The following DOCK11 variants were observed in gnomAD, a reference collection of about 807,000 sequenced individuals.
The protein encoded by DOCK11 is dedicator of cytokinesis 11, also known as dedicator of cytokinesis protein 11.
In DOCK11, 70 loss-of-function variants were observed where a neutral mutation model predicts 169.1. The ratio of observed to expected loss-of-function variants is 0.41; its 90% CI spans 0.34 to 0.51. DOCK11 has a LOEUF of 0.51. DOCK11 is among the 20% of genes least tolerant of loss of function. DOCK11 has a pLI of 0.10. For missense variants in DOCK11, 1,166 were observed against 1,538.8 expected (o/e 0.76, Z 4.05); for synonymous variants, 529 against 541.3 (o/e 0.98, Z 0.32).
intron 13 of DOCK11, among the ~76,000 whole-genome samples, chrX:118,579,196 A>T (rs1458722117): frequency 8.9e-6 from 1 of 112,403 alleles, no homozygotes; most frequent in Non-Finnish European, 1.9e-5. Flanking sequence ...AATGGCAGGG[A>T]TTTAAAAAAT....
intron 31 of DOCK11, among the ~76,000 whole-genome samples, chrX:118,619,687 A>C (rs2014920986): frequency 9.1e-6 from 1 of 109,562 alleles, no homozygotes; most frequent in African/African-American, 3.3e-5. Context: ...CTTCTTACTG[A>C]AAAAAATGTT....
chrX:118,616,770 C>T (rs764692555), intron 30 of DOCK11, among the ~76,000 whole-genome samples: 3 of 111,683 alleles, frequency 2.7e-5, no homozygotes, highest in Admixed American at 1.9e-4. Flanking sequence ...TAGGGATTCA[C>T]AAAAGAGCAA....
chrX:118,667,366 A>G (rs1439567906), intron 45 of DOCK11, among the ~76,000 whole-genome samples: 3 of 108,080 alleles, frequency 2.8e-5, no homozygotes, highest in Non-Finnish European at 3.8e-5. Context: ...GGTCTATAAT[A>G]TATTTAAAGT....
chrX:118,541,928 T>C (rs1373903021), intron 1 of DOCK11, among the ~76,000 whole-genome samples: 1 of 111,236 alleles, frequency 9.0e-6, no homozygotes, highest in Non-Finnish European at 1.9e-5. Flanking sequence ...GGATCAAGCA[T>C]CTCTAGTATC....
At chrX:118,569,733 A>G (rs1184285396) in intron 10 of DOCK11, among the ~76,000 whole-genome samples, 1 of 102,572 alleles carries the variant, frequency 9.7e-6, no homozygotes, top group African/African-American at 3.5e-5. Flanking sequence ...AAGTTATGTG[A>G]TTTTTTTTTT....
intron 23 of DOCK11, 68 bp downstream of exon 23, chrX:118,599,296 G>GA (rs1176762022): frequency 7.4e-3 from 4,967 of 675,320 alleles, no homozygotes; most frequent in Non-Finnish European, 8.5e-3. Flanking sequence ...ATTTTGGTGT[G>GA]AAAAAAAAAA....
intron 1 of DOCK11, among the ~76,000 whole-genome samples, chrX:118,498,167 A>C (rs2057550161): frequency 1.8e-5 from 2 of 112,446 alleles, no homozygotes; most frequent in African/African-American, 3.2e-5. Context: ...AGATTTTGGG[A>C]GTGAGGGAGA....
At chrX:118,546,150 T>A in intron 6 of DOCK11, 34 bp downstream of exon 6, 3 of 849,498 alleles carry the variant, frequency 3.5e-6, no homozygotes, top group Non-Finnish European at 5.0e-6. Context: ...TCCATCATTT[T>A]AATGATATTG....
intron 1 of DOCK11, 129 bp from the exon 2 acceptor site, chrX:118,542,596 T>C: frequency 2.0e-6 from 1 of 509,454 alleles, no homozygotes. Context: ...CTTGTGAAAC[T>C]GTCTCAATTA....
At chrX:118,566,296 C>T (rs750776384) in intron 8 of DOCK11, 114 bp downstream of exon 8, 40 of 718,736 alleles carry the variant, frequency 5.6e-5, no homozygotes, top group Non-Finnish European at 7.7e-5. Flanking sequence ...TGACCTGCTT[C>T]TTCATTAATA....
At chrX:118,514,565 G>A (rs1420268628) in intron 1 of DOCK11, among the ~76,000 whole-genome samples, 1 of 111,470 alleles carries the variant, frequency 9.0e-6, no homozygotes, top group African/African-American at 3.3e-5. Context: ...TCCTAGAGGG[G>A]ACTTCATGGC....
intron 1 of DOCK11, among the ~76,000 whole-genome samples, chrX:118,525,372 A>G (rs2011350681): frequency 8.9e-6 from 1 of 111,956 alleles, no homozygotes; most frequent in Non-Finnish European, 1.9e-5. Flanking sequence ...GACACATGCT[A>G]CAATATGCAT....
At position 118,636,380 on chromosome X, in the gene DOCK11, T is replaced by A; in HGVS notation, c.3921T>A (p.Pro1307=). 3 of 1,092,098 alleles carry A rather than the reference T, an allele frequency of 2.7e-6. No homozygotes were observed. Among genetic ancestry groups the A allele is most frequent in the Non-Finnish European group, 3.7e-6 (3 of 804,366 alleles). 90.0% of individuals were successfully genotyped at this position (1,092,098 alleles called of 1,213,427 possible). The stretch of plus-strand genomic sequence containing the variant: ...TAACTTACTGGAATAAAGTATCACC[T>A]CAGGAGCTCATAAACATTCTTATAC... ...TLLTYWNKVS[P]QELINILILL... is the part of the protein sequence containing the mutation. The change falls in exon 36 of 53, where the codon CCT becomes CCA. Residue 1307 remains proline, a synonymous_variant. Transcript: ENST00000276202.
At chrX:118,580,233 G>A in intron 14 of DOCK11, 54 bp downstream of exon 14, 1 of 1,039,478 alleles carries the variant, frequency 9.6e-7, no homozygotes, top group South Asian at 2.1e-5. Context: ...GTGAAGTTAA[G>A]GGCTGTTATA....
intron 19 of DOCK11, among the ~76,000 whole-genome samples, chrX:118,592,315 G>A (rs957412734): frequency 1.1e-5 from 1 of 87,044 alleles, no homozygotes; most frequent in East Asian, 5.3e-4. Context: ...ACTTTTTAAT[G>A]ATTGCCACTC....
chrX:118,580,160 C>A lies in DOCK11; in HGVS notation c.1576C>A (p.Pro526Thr). The change falls in exon 14 of 53, where the codon CCC (proline) becomes ACC (threonine). Residue 526 changes from proline to threonine, a missense_variant. Coordinates refer to ENST00000276202, the MANE Select transcript of DOCK11 (RefSeq NM_144658.4). ...TAGCCGCCTTGGACAATACAGAATG[C>A]CCTTCGCTTGGGCTGCCAGGTTTGT... ...VCSRLGQYRM[P>T]FAWAARPIFK... 1 of 1,207,999 alleles carries A rather than the reference C, an allele frequency of 8.3e-7. No individual in the cohort carries two copies. The highest frequency in any genetic ancestry group is 1.8e-5 in the South Asian group (1 of 56,255).
intron 1 of DOCK11, among the ~76,000 whole-genome samples, chrX:118,534,036 A>T (rs1205697379): frequency 8.9e-6 from 1 of 112,409 alleles, no homozygotes; most frequent in Non-Finnish European, 1.9e-5. Context: ...AATAGAAAAA[A>T]AATTCTAATT....
chrX:118,518,000 A>G (rs1406131870), intron 1 of DOCK11, among the ~76,000 whole-genome samples: 2 of 111,876 alleles, frequency 1.8e-5, no homozygotes, highest in African/African-American at 6.5e-5. Flanking sequence ...GGTTGTTGAT[A>G]CTGGAGTTCT....
intron 6 of DOCK11, 125 bp from the exon 7 acceptor site, chrX:118,561,258 A>T: frequency 1.8e-6 from 1 of 563,387 alleles, no homozygotes; most frequent in Non-Finnish European, 2.7e-6. Context: ...ACATCTTGTC[A>T]GGGTTGTCTG....
Sources: gnomAD v4.1 joint callset for allele counts (sites outside exome capture counted in the v4.1 genomes callset) on GRCh38, gnomAD v4.1.1 for gene constraint, MANE v1.5 for transcripts, NCBI Gene and HGNC (gene_info 2026-07-23, HGNC 2026-07-21) for gene names.